The following KCNIP1 variants were observed in gnomAD, a reference collection of about 807,000 sequenced individuals.
KCNIP1 encodes the protein potassium voltage-gated channel interacting protein 1.
A neutral mutation model predicts 33.0 loss-of-function variants in KCNIP1; 18 were observed. That is an observed-to-expected ratio of 0.55 (90% confidence interval 0.38 to 0.81). KCNIP1 has a LOEUF of 0.81. Ranked by LOEUF, KCNIP1 falls within the 30% of genes least tolerant of loss-of-function variation. The probability of loss-of-function intolerance (pLI) is 0.00; values close to 1 mark genes in which losing one functional copy is unlikely to be tolerated. For synonymous variants in KCNIP1, 93 were observed against 98.3 expected (o/e 0.95, Z 0.32); for missense variants, 238 against 271.6 (o/e 0.88, Z 0.87).
chr5:170,409,293 T>C (rs565442322), intron 1 of KCNIP1, among the ~76,000 whole-genome samples: 340 of 152,206 alleles, frequency 2.2e-3, no homozygotes, highest in Non-Finnish European at 3.7e-3. Context: ...TTTACAAAAA[T>C]CCATCAGGAC....
intron 1 of KCNIP1, among the ~76,000 whole-genome samples, chr5:170,709,371 C>A (rs1160565423): frequency 1.3e-5 from 2 of 152,202 alleles, no homozygotes; most frequent in Non-Finnish European, 2.9e-5. Flanking sequence ...ATCTTCCTAG[C>A]AGATGGGCCC....
intron 1 of KCNIP1, among the ~76,000 whole-genome samples, chr5:170,467,917 CA>C (rs55671124): frequency 0.019 from 784 of 41,942 alleles, no homozygotes; most frequent in South Asian, 0.12. Context: ...GATTCCATCT[CA>C]AAAAAAAAAA....
At chr5:170,462,754 G>GATATAT (rs370183547) in intron 1 of KCNIP1, among the ~76,000 whole-genome samples, 4 of 150,270 alleles carry the variant, frequency 2.7e-5, no homozygotes, top group African/African-American at 9.7e-5. Flanking sequence ...GCAACGAGTG[G>GATATAT]ATATATATAT....
chr5:170,435,742 G>A (rs1042627210), intron 1 of KCNIP1, among the ~76,000 whole-genome samples: 4 of 152,170 alleles, frequency 2.6e-5, no homozygotes, highest in East Asian at 1.9e-4. Flanking sequence ...CCACGTGCAC[G>A]GAGCCCAGCA....
In KCNIP1 at chr5:170,366,828, C is replaced by T. The variant is rs147746394; in HGVS notation, c.88+12864C>T. On this transcript the variant is annotated intron_variant, in intron 1 of 7. Coordinates refer to the KCNIP1 transcript ENST00000377360. The stretch of plus-strand genomic sequence containing the variant: ...CTCTTCATTGCCACACAGCCGATGA[C>T]TCATAGACTAAGCCCAAGCAAGACC... Among the ~76,000 whole-genome samples, 45 of 152,358 alleles carry T rather than the reference C, an allele frequency of 3.0e-4. No individual in the cohort carries two copies. The South Asian group carries it at 3.3e-3, about 11-fold the overall frequency.
intron 1 of KCNIP1, among the ~76,000 whole-genome samples, chr5:170,638,713 G>A (rs1166809114): frequency 6.7e-6 from 1 of 149,256 alleles, no homozygotes; most frequent in African/African-American, 2.5e-5. Context: ...GCTCTTGGGG[G>A]CAGCCAGTCC....
At chr5:170,649,358 C>T (rs113352982) in intron 1 of KCNIP1, among the ~76,000 whole-genome samples, 1 of 152,288 alleles carries the variant, frequency 6.6e-6, no homozygotes, top group African/African-American at 2.4e-5. Flanking sequence ...CAACTTTCCT[C>T]TCTTCTTAAG....
At chr5:170,726,360 C>T (rs1156520072) in intron 5 of KCNIP1, among the ~76,000 whole-genome samples, 2 of 152,032 alleles carry the variant, frequency 1.3e-5, no homozygotes, top group Non-Finnish European at 2.9e-5. Context: ...ATATGAATGG[C>T]CAGTAAACCC....
chr5:170,413,658 C>G (rs1259757371), intron 1 of KCNIP1, among the ~76,000 whole-genome samples: 3 of 152,156 alleles, frequency 2.0e-5, no homozygotes, highest in African/African-American at 7.2e-5. Flanking sequence ...ATGACTTTTA[C>G]ACATAAATAT....
At chr5:170,514,640 G>T (rs1478828656) in intron 1 of KCNIP1, among the ~76,000 whole-genome samples, 1 of 152,072 alleles carries the variant, frequency 6.6e-6, no homozygotes, top group East Asian at 1.9e-4. Flanking sequence ...GACTACTTTA[G>T]TGACTTTTCT....
chr5:170,460,641 G>A (rs1047143063), intron 1 of KCNIP1, among the ~76,000 whole-genome samples: 3 of 152,006 alleles, frequency 2.0e-5, no homozygotes, highest in South Asian at 2.1e-4. Context: ...AATCCAGCAC[G>A]CTTCTATGAT....
At chr5:170,428,959 C>A (rs1181692227) in intron 1 of KCNIP1, among the ~76,000 whole-genome samples, 1 of 152,048 alleles carries the variant, frequency 6.6e-6, no homozygotes, top group Non-Finnish European at 1.5e-5. Flanking sequence ...ACCACCCTTT[C>A]CCATCGTATG....
At chr5:170,356,415 C>T (rs1286915652) in intron 1 of KCNIP1, among the ~76,000 whole-genome samples, 1 of 152,176 alleles carries the variant, frequency 6.6e-6, no homozygotes, top group East Asian at 1.9e-4. Context: ...ATCACCCTCC[C>T]TGTCCTGCCT....
At position 170,394,518 on chromosome 5, in the gene KCNIP1, C is replaced by A. The variant is rs914953662; in HGVS notation, c.88+40554C>A. 2.6e-5 allele frequency among the ~76,000 whole-genome samples: 4 copies of A among 152,194 alleles called. No individual in the cohort carries two copies. In the South Asian group the frequency reaches 8.3e-4, roughly 31 times the overall value. On this transcript the variant is annotated intron_variant, in intron 1 of 7. Transcript: ENST00000377360. ...TTTTTACATAACAGAATATTATAATCATTTTCCCATGCCATGAAACATTTT... is the reference window on the plus strand; with the variant it reads ...TTTTTACATAACAGAATATTATAATAATTTTCCCATGCCATGAAACATTTT...
intron 1 of KCNIP1, among the ~76,000 whole-genome samples, chr5:170,492,778 T>G (rs1757232558): frequency 6.6e-6 from 1 of 152,092 alleles, no homozygotes; most frequent in South Asian, 2.1e-4. Flanking sequence ...TATTTATTTA[T>G]TTTTTGAGAC....
At chr5:170,421,322 A>T (rs920260878) in intron 1 of KCNIP1, among the ~76,000 whole-genome samples, 2 of 152,232 alleles carry the variant, frequency 1.3e-5, no homozygotes, top group African/African-American at 4.8e-5. Context: ...TTTCACACCC[A>T]GTTTCGCCAT....
chr5:170,669,718 T>A, intron 1 of KCNIP1: 1 of 868,266 alleles, frequency 1.2e-6, no homozygotes, highest in Non-Finnish European at 1.4e-6. Flanking sequence ...CATTTTATTT[T>A]AGGTCATAAT....
At chr5:170,635,644 T>C (rs959303937) in intron 1 of KCNIP1, among the ~76,000 whole-genome samples, 2 of 152,240 alleles carry the variant, frequency 1.3e-5, no homozygotes, top group African/African-American at 2.4e-5. Flanking sequence ...CTCCCTGCAC[T>C]GTAAGGGACA....
chr5:170,412,007 T>G (rs1237724010), intron 1 of KCNIP1, among the ~76,000 whole-genome samples: 1 of 152,156 alleles, frequency 6.6e-6, no homozygotes, highest in East Asian at 1.9e-4. Context: ...GCAGTACTAG[T>G]TCCCCCATGC....
Sources: gnomAD v4.1 joint callset for allele counts (sites outside exome capture counted in the v4.1 genomes callset) on GRCh38, gnomAD v4.1.1 for gene constraint, MANE v1.5 for transcripts, NCBI Gene and HGNC (gene_info 2026-07-23, HGNC 2026-07-21) for gene names.